ZMYM2: variants seen among roughly 807,000 people sequenced by gnomAD.
ZMYM2 encodes the protein zinc finger MYM-type containing 2, also known as zinc finger MYM-type protein 2.
ZMYM2 carries 56 observed loss-of-function variants against 162.8 expected under a neutral mutation model. The observed-to-expected ratio is 0.34, with a 90% CI of 0.28 to 0.43. ZMYM2 has a LOEUF of 0.43. Among genes scored for constraint, ZMYM2 ranks in the 20% least tolerant of loss-of-function variants. The pLI, the probability that ZMYM2 is intolerant of heterozygous loss-of-function variation, is 1.00. For missense variants in ZMYM2, 1,275 were observed against 1,621.8 expected (o/e 0.79, Z 3.67); for synonymous variants, 510 against 541.6 (o/e 0.94, Z 0.81).
chr13:19,867,177 A>AC, the ZMYM2 span, among the ~76,000 whole-genome samples: 13 of 151,664 alleles, frequency 8.6e-5, no homozygotes, highest in African/African-American at 2.7e-4. Flanking sequence ...ACATGGAGAA[A>AC]CCCCGTCTCT....
chr13:19,965,036 T>C (rs896685360), intron 2 of ZMYM2, among the ~76,000 whole-genome samples: 2 of 150,682 alleles, frequency 1.3e-5, no homozygotes, highest in Non-Finnish European at 1.5e-5. Flanking sequence ...TGTATACATA[T>C]GTAACTAACC....
chr13:20,068,426 T>A (rs1327866690), intron 21 of ZMYM2: 1 of 162,844 alleles, frequency 6.1e-6, no homozygotes. Flanking sequence ...CCATAGAATT[T>A]ACTATAGAAT....
the ZMYM2 span, among the ~76,000 whole-genome samples, chr13:19,884,820 A>C: frequency 6.6e-6 from 1 of 152,018 alleles, no homozygotes; most frequent in Non-Finnish European, 1.5e-5. Context: ...CATACAACAA[A>C]CATTCCAGCA....
chr13:19,865,274 A>G, the ZMYM2 span, among the ~76,000 whole-genome samples: 1 of 152,246 alleles, frequency 6.6e-6, no homozygotes, highest in South Asian at 2.1e-4. Flanking sequence ...ATAACGTTTT[A>G]AGAAAATTTA....
chr13:20,028,278 C>A (rs1425681013), intron 9 of ZMYM2, among the ~76,000 whole-genome samples: 1 of 152,164 alleles, frequency 6.6e-6, no homozygotes, highest in African/African-American at 2.4e-5. Flanking sequence ...GCCATTGATA[C>A]ATCCTTACAG....
chr13:19,981,606 A>G lies in ZMYM2; in HGVS notation c.-10-11457A>G, dbSNP rs548558583. Among the ~76,000 whole-genome samples, 21 of 152,322 alleles carry G rather than the reference A, an allele frequency of 1.4e-4. No homozygotes were observed. In the East Asian group the frequency reaches 1.5e-3, roughly 11 times the overall value. On this transcript the variant is annotated intron_variant, in intron 2 of 24. Transcript: ENST00000610343. Reference sequence around the variant, plus strand: ...CATCTATTGGATTTTAAGTTTCTGCACTCATATTTTTAACATGGAGAAGTA... The same window carrying G: ...CATCTATTGGATTTTAAGTTTCTGCGCTCATATTTTTAACATGGAGAAGTA...
rs1433396329 is a variant in ZMYM2, at chr13:19,993,801, A to G, written c.729A>G (p.Thr243=). The part of the protein sequence containing the change: ...QSSNFGVNIQ[T]YTPSLTSQTK... ...GTAATTTTGGTGTTAATATACAAACATACACCCCATCTTTAACTTCACAGA... is the reference window on the plus strand; with the variant it reads ...GTAATTTTGGTGTTAATATACAAACGTACACCCCATCTTTAACTTCACAGA... Residue 243 remains threonine (T), a synonymous_variant, in exon 3 of 25, where the codon ACA becomes ACG. Coordinates refer to ENST00000610343, the MANE Select transcript of ZMYM2 (RefSeq NM_197968.4). The G allele has an allele frequency of 6.2e-7, 1 of 1,614,200 alleles. No individual in the cohort carries two copies. The highest frequency in any genetic ancestry group is 1.7e-5 in the Admixed American group (1 of 60,020).
chr13:19,884,847 G>T, the ZMYM2 span, among the ~76,000 whole-genome samples: 1 of 152,058 alleles, frequency 6.6e-6, no homozygotes, highest in African/African-American at 2.4e-5. Flanking sequence ...GAAAACCTGA[G>T]CACATCACAA....
the ZMYM2 span, among the ~76,000 whole-genome samples, chr13:19,865,264 A>G: frequency 2.0e-5 from 3 of 152,148 alleles, no homozygotes; most frequent in Non-Finnish European, 4.4e-5. Context: ...AAAAAATCTC[A>G]TAACGTTTTA....
the ZMYM2 span, among the ~76,000 whole-genome samples, chr13:19,872,414 G>C: frequency 2.6e-5 from 4 of 152,070 alleles, no homozygotes; most frequent in African/African-American, 9.7e-5. Context: ...GCCAGGCATG[G>C]TGGTGGGTGC....
chr13:19,967,917 T>A (rs1955949480), intron 2 of ZMYM2, among the ~76,000 whole-genome samples: 1 of 152,244 alleles, frequency 6.6e-6, no homozygotes, highest in African/African-American at 2.4e-5. Flanking sequence ...GAAGAATTTC[T>A]ATGTTTCTCT....
chr13:19,906,743 T>G, the ZMYM2 span, among the ~76,000 whole-genome samples: 1 of 152,036 alleles, frequency 6.6e-6, no homozygotes, highest in Non-Finnish European at 1.5e-5. Context: ...AATTTTTTTG[T>G]AGAGATGGGG....
At chr13:20,024,306 AACTGTT>A (rs1455887528) in intron 7 of ZMYM2, 1 of 193,264 alleles carries the variant, frequency 5.2e-6, no homozygotes, top group Admixed American at 6.1e-5. Flanking sequence ...GATGTCTTAA[AACTGTT>A]ACTAATTATT....
At chr13:20,017,070 A>G (rs1358905951) in intron 6 of ZMYM2, among the ~76,000 whole-genome samples, 1 of 151,914 alleles carries the variant, frequency 6.6e-6, no homozygotes, top group Non-Finnish European at 1.5e-5. Context: ...TGGCCTCTTT[A>G]CTGCAAATTG....
the ZMYM2 span, among the ~76,000 whole-genome samples, chr13:19,883,561 C>T: frequency 4.6e-5 from 7 of 152,136 alleles, no homozygotes; most frequent in African/African-American, 1.7e-4. Context: ...GAATTTTGGG[C>T]ATTCTTAACA....
upstream of ZMYM2, among the ~76,000 whole-genome samples, chr13:19,954,369 G>C (rs1954475288): frequency 1.3e-5 from 2 of 151,826 alleles, no homozygotes; most frequent in African/African-American, 4.8e-5. Context: ...GCCCGCCTCG[G>C]CCTCCCAAAG....
intron 2 of ZMYM2, among the ~76,000 whole-genome samples, chr13:19,960,992 A>G (rs1455182607): frequency 6.6e-6 from 1 of 152,204 alleles, no homozygotes; most frequent in Non-Finnish European, 1.5e-5. Flanking sequence ...ATAGTAACTT[A>G]CATTAAATAT....
chr13:20,071,748 T>C (rs529554578), intron 21 of ZMYM2: 1 of 172,282 alleles, frequency 5.8e-6, no homozygotes, highest in Non-Finnish European at 1.3e-5. Flanking sequence ...TGGCCTTAAG[T>C]TCCCTGCCCC....
Position 20,006,484 on chromosome 13 carries a change from T to C in ZMYM2, c.1410T>C (p.Cys470=), listed in dbSNP as rs754728724. 1.2e-6 allele frequency: 2 copies of C among 1,613,708 alleles called. No homozygotes were observed. Among genetic ancestry groups the C allele is most frequent in the Non-Finnish European group, 8.5e-7 (1 of 1,179,770 alleles). Residue 470 remains cysteine (C), a synonymous_variant, in exon 6 of 25, where the codon TGT becomes TGC. Coordinates refer to ENST00000610343, the MANE Select transcript of ZMYM2 (RefSeq NM_197968.4). ...NGLIMNCCEQ[C]GEYLPSKGAG... ...TAATAATGAATTGCTGTGAACAGTGTGGAGAGTACTTGCCCAGTAAAGGTG... is the reference window on the plus strand; with the variant it reads ...TAATAATGAATTGCTGTGAACAGTGCGGAGAGTACTTGCCCAGTAAAGGTG...
Sources: gnomAD v4.1 joint callset for allele counts (sites outside exome capture counted in the v4.1 genomes callset) on GRCh38, gnomAD v4.1.1 for gene constraint, MANE v1.5 for transcripts, NCBI Gene and HGNC (gene_info 2026-07-23, HGNC 2026-07-21) for gene names.